COL9A3: variants seen among roughly 807,000 people sequenced by gnomAD.
COL9A3 encodes collagen alpha-3(IX) chain.
In COL9A3, 82 loss-of-function variants were observed where a neutral mutation model predicts 110.2. The observed-to-expected ratio is 0.74, with a 90% CI of 0.62 to 0.89. The LOEUF (loss-of-function observed/expected upper bound fraction) is 0.89. Ranked by LOEUF, COL9A3 falls within the 40% of genes least tolerant of loss-of-function variation. COL9A3 has a pLI of 0.00. For synonymous variants in COL9A3, 494 were observed against 403.8 expected (o/e 1.22, Z -2.68); for missense variants, 1,066 against 981.3 (o/e 1.09, Z -1.15).
In COL9A3 at chr20:62,817,556, C is replaced by A. The variant is rs1014699230; in HGVS notation, c.79-11C>A. 2 of 1,539,150 alleles carry A rather than the reference C, an allele frequency of 1.3e-6. No individual in the cohort carries two copies. Among genetic ancestry groups the A allele is most frequent in the Non-Finnish European group, 1.8e-6 (2 of 1,137,506 alleles). On this transcript the variant is annotated splice_polypyrimidine_tract_variant and intron_variant, in intron 1 of 31. Transcript: ENST00000649368. ...GCACCTGCGCTCCTTAATGAGTTTT[C>A]TCCGTTTCAGAGAGTGGGACTCCCC...
intron 26 of COL9A3, among the ~76,000 whole-genome samples, chr20:62,833,433 T>A (rs1016074216): frequency 6.6e-6 from 1 of 152,222 alleles, no homozygotes; most frequent in African/African-American, 2.4e-5. Context: ...GAGACGAGTC[T>A]CACTCTGTCA....
chr20:62,840,031 A>T (rs563288879), intron 31 of COL9A3, among the ~76,000 whole-genome samples: 1 of 152,048 alleles, frequency 6.6e-6, no homozygotes, highest in South Asian at 2.1e-4. Context: ...GGTGGACAGC[A>T]GCCTCCCGGC....
At chr20:62,828,113 G>A in intron 17 of COL9A3, 137 bp downstream of exon 17, 1 of 843,238 alleles carries the variant, frequency 1.2e-6, no homozygotes, top group South Asian at 1.4e-5. Flanking sequence ...CGGTGGAACA[G>A]CCCCGCAGCC....
chr20:62,833,993 C>T (rs989764141), intron 26 of COL9A3, among the ~76,000 whole-genome samples: 4 of 152,154 alleles, frequency 2.6e-5, no homozygotes, highest in Non-Finnish European at 2.9e-5. Context: ...CCTGCCTCAG[C>T]TTCCTGAATA....
In COL9A3 at chr20:62,825,804, C is replaced by A. The variant is rs374892819; in HGVS notation, c.631-13C>A. ...AGACTGGGCCGCTGACCACCCTATC[C>A]CCTCTGTTTCAGGGTGACCCTGGCC... On this transcript the variant is annotated splice_polypyrimidine_tract_variant and intron_variant, in intron 12 of 31. Transcript: ENST00000649368. 32 of 1,552,314 alleles carry A rather than the reference C, an allele frequency of 2.1e-5. No homozygotes were observed. Among genetic ancestry groups the A allele is most frequent in the Non-Finnish European group, 1.8e-5 (21 of 1,147,744 alleles).
At chr20:62,839,093 C>T (rs2063655538) in intron 31 of COL9A3, among the ~76,000 whole-genome samples, 1 of 152,026 alleles carries the variant, frequency 6.6e-6, no homozygotes, top group South Asian at 2.1e-4. Context: ...GGCGTGGTGG[C>T]GGGCGCCTGT....
chr20:62,816,821 A>G (rs1990929394), upstream of COL9A3, among the ~76,000 whole-genome samples: 1 of 152,108 alleles, frequency 6.6e-6, no homozygotes, highest in Non-Finnish European at 1.5e-5. Context: ...CGCCAGTCCC[A>G]GGATAATTTT....
At position 62,817,074 on chromosome 20, in the gene COL9A3, C is replaced by T; in HGVS notation, c.10C>T (p.Pro4Ser). The change falls in exon 1 of 32, where the codon CCG (proline) becomes TCG (serine). Residue 4 changes from proline to serine, a missense_variant. Physicochemically the swap from Pro to Ser is moderately conservative, Grantham distance 74 (BLOSUM62 -1). Coordinates refer to ENST00000649368, the MANE Select transcript of COL9A3 (RefSeq NM_001853.4). ...CAGACTCCGCTCAGCCATGGCCGGG[C>T]CGCGCGCGTGCGCCCCGCTCCTGCT... MAGPRACAPLLLLL... is the reference protein window; with the variant it reads MAGSRACAPLLLLL... 2 of 1,384,268 alleles carry T rather than the reference C, an allele frequency of 1.4e-6. No homozygotes were observed. The highest frequency in any genetic ancestry group is 9.4e-7 in the Non-Finnish European group (1 of 1,062,784). The allele number at this position is 1,384,268 out of a possible 1,614,324, so 85.7% of individuals were successfully genotyped here. A position where few individuals can be genotyped will look rare whatever the true frequency, so the allele number is the denominator to read the frequency against.
intron 7 of COL9A3, 23 bp downstream of exon 7, chr20:62,821,553 G>A: frequency 1.2e-6 from 2 of 1,612,772 alleles, no homozygotes; most frequent in South Asian, 1.1e-5. Flanking sequence ...AACCCTTGGG[G>A]CCCTGAGCAA....
At chr20:62,821,109 A>G in intron 5 of COL9A3, 72 bp from the exon 6 acceptor site, 20 of 1,494,778 alleles carry the variant, frequency 1.3e-5, no homozygotes, top group Non-Finnish European at 1.8e-5. Flanking sequence ...GTGACGTCAC[A>G]CTTCAGAGGG....
At chr20:62,840,022 G>A (rs1051847868) in intron 31 of COL9A3, among the ~76,000 whole-genome samples, 5 of 152,134 alleles carry the variant, frequency 3.3e-5, no homozygotes, top group Non-Finnish European at 7.4e-5. Flanking sequence ...GCACTTGCTG[G>A]TGGACAGCAG....
chr20:62,822,080 C>A, intron 8 of COL9A3, 31 bp from the exon 9 acceptor site: 1 of 1,405,670 alleles, frequency 7.1e-7, no homozygotes, highest in Non-Finnish European at 1.0e-6. Flanking sequence ...GGGGCTGGTC[C>A]CACTCTGTCT....
chr20:62,822,570 A>C (rs1267219073), intron 9 of COL9A3, 21 bp from the exon 10 acceptor site: 1 of 1,611,766 alleles, frequency 6.2e-7, no homozygotes, highest in Admixed American at 1.7e-5. Context: ...GGAGAATGTC[A>C]GCTGTCTCTT....
rs3664 is a variant in COL9A3 at position 62,841,034 on chromosome 20, A to G, written c.*302A>G. 98,952 of 383,930 alleles carry G rather than the reference A, an allele frequency of 0.26. 13,655 individuals carry two copies. Among genetic ancestry groups the G allele is most frequent in the African/African-American group, 0.34 (16,351 of 48,112 alleles). The allele number at this position is 383,930 out of a possible 1,614,324, so 23.8% of individuals were successfully genotyped here. A position where few individuals can be genotyped will look rare whatever the true frequency, so the allele number is the denominator to read the frequency against. ...GTGAAAAATATTCAGTAACTTGTTT[A>G]CATAGCATTTGTGTAAAGACTATGA... is the stretch of plus-strand genomic sequence containing the variant. On this transcript the variant is annotated 3_prime_UTR_variant, in exon 32 of 32. Transcript: ENST00000649368.
intron 29 of COL9A3, 169 bp downstream of exon 29, chr20:62,836,701 C>T (rs1271309930): frequency 2.7e-6 from 2 of 735,016 alleles, no homozygotes; most frequent in South Asian, 1.9e-5. Flanking sequence ...TGGCGTCTGC[C>T]TGTCCTCTGC....
chr20:62,823,768 G>A (rs1010075274), intron 10 of COL9A3, among the ~76,000 whole-genome samples: 3 of 152,234 alleles, frequency 2.0e-5, no homozygotes, highest in African/African-American at 4.8e-5. Context: ...GCCCCATGCC[G>A]AGCACATTCC....
intron 11 of COL9A3, 108 bp downstream of exon 11, chr20:62,824,609 TC>T: frequency 1.7e-6 from 2 of 1,198,194 alleles, no homozygotes; most frequent in Non-Finnish European, 2.4e-6. Context: ...GGACCCTGGT[TC>T]CAGGGTTGCC....
At chr20:62,818,646 C>T (rs1568747285) in intron 3 of COL9A3, 93 bp downstream of exon 3, 17 of 1,366,390 alleles carry the variant, frequency 1.2e-5, no homozygotes, top group Middle Eastern at 1.8e-4. Context: ...CTGTCTCATC[C>T]TGCCGGAGCC....
In COL9A3 at chr20:62,840,653, CG is replaced by C; in HGVS notation, c.1980del (p.Ile661SerfsTer12). On this transcript the variant is annotated frameshift_variant, in exon 32 of 32. Transcript: ENST00000649368. LOFTEE classifies it high-confidence loss of function. ...GGTGCCATTGGGGCCCAGGGGACAC[CG>C]GGGATCTGCGACACCTCAGCCTGCC... ...LPGAIGAQGT[P>X]GICDTSACQG... 2 of 1,608,638 alleles carry C rather than the reference CG, an allele frequency of 1.2e-6. No homozygotes were observed. The highest frequency in any genetic ancestry group is 1.7e-6 in the Non-Finnish European group (2 of 1,177,912).
Sources: allele counts gnomAD v4.1 joint callset (sites outside exome capture counted in the v4.1 genomes callset), GRCh38; gene constraint gnomAD v4.1.1; transcripts MANE v1.5; gene names NCBI Gene and HGNC (gene_info 2026-07-23, HGNC 2026-07-21).